The following THUMPD3 variants were observed in gnomAD, a reference collection of about 807,000 sequenced individuals.
THUMPD3 encodes the protein tRNA (guanine(6)-N(2))-methyltransferase THUMP3.
Under a neutral mutation model 54.5 loss-of-function variants are expected in THUMPD3, and 44 were observed. The observed-to-expected ratio is 0.81, with a 90% CI of 0.63 to 1.04. The LOEUF (loss-of-function observed/expected upper bound fraction) is 1.04. Ranked by LOEUF, THUMPD3 falls within the 50% of genes least tolerant of loss-of-function variation. The pLI, the probability that THUMPD3 is intolerant of heterozygous loss-of-function variation, is 0.00. For synonymous variants in THUMPD3, 196 were observed against 201.4 expected (o/e 0.97, Z 0.23); for missense variants, 604 against 601.3 (o/e 1.00, Z -0.05).
chr3:9,380,822 A>G, intron 7 of THUMPD3: 1 of 397,122 alleles, frequency 2.5e-6, no homozygotes, highest in Middle Eastern at 6.8e-4. Flanking sequence ...TCCCCACCAT[A>G]TGCAATTTTT....
chr3:9,376,512 G>A (rs925278855), intron 5 of THUMPD3, among the ~76,000 whole-genome samples: 1 of 152,184 alleles, frequency 6.6e-6, no homozygotes, highest in Admixed American at 6.5e-5. Context: ...GGAATGGCTT[G>A]GAGTACAGGG....
chr3:9,383,334 T>C (rs765641053), intron 8 of THUMPD3, 25 bp downstream of exon 8: 1 of 1,497,544 alleles, frequency 6.7e-7, no homozygotes, highest in Non-Finnish European at 9.3e-7. Context: ...TACCTGCTTG[T>C]CTTCTAAATA....
intron 3 of THUMPD3, 54 bp downstream of exon 3, chr3:9,367,039 T>C (rs1252658472): frequency 7.3e-7 from 1 of 1,372,520 alleles, no homozygotes; most frequent in Non-Finnish European, 1.0e-6. Context: ...ACAAAGAGAT[T>C]ATTTCCATTT....
At chr3:9,380,935 T>G (rs2125330393) in intron 7 of THUMPD3, 1 of 199,154 alleles carries the variant, frequency 5.0e-6, no homozygotes, top group South Asian at 8.2e-5. Context: ...TTACATAGGC[T>G]TCTTTTTTGC....
At chr3:9,375,865 GA>G (rs2032421682) in intron 5 of THUMPD3, among the ~76,000 whole-genome samples, 1 of 152,288 alleles carries the variant, frequency 6.6e-6, no homozygotes, top group East Asian at 1.9e-4. Flanking sequence ...TCTAAACATA[GA>G]AAGGATAGGG....
chr3:9,365,513 C>A, intron 2 of THUMPD3, among the ~76,000 whole-genome samples, 193 bp downstream of exon 2: 1 of 147,006 alleles, frequency 6.8e-6, no homozygotes, highest in African/African-American at 2.5e-5. Context: ...CCCTTAGGAC[C>A]AAAAGTGTTT....
chr3:9,378,264 C>T (rs890311796), intron 6 of THUMPD3, among the ~76,000 whole-genome samples: 2 of 152,138 alleles, frequency 1.3e-5, no homozygotes, highest in African/African-American at 4.8e-5. Flanking sequence ...CACTTAAGTT[C>T]CTAGAGGGAA....
chr3:9,368,531 T>A (rs2031759010), intron 3 of THUMPD3, among the ~76,000 whole-genome samples: 1 of 151,932 alleles, frequency 6.6e-6, no homozygotes, highest in African/African-American at 2.4e-5. Flanking sequence ...CCCGGCTAAT[T>A]TTTGTATTTT....
chr3:9,373,410 G>A (rs914645062), intron 4 of THUMPD3, among the ~76,000 whole-genome samples: 14 of 152,072 alleles, frequency 9.2e-5, no homozygotes, highest in African/African-American at 3.1e-4. Context: ...GTAAGAGATT[G>A]CTTGAGCCCA....
At chr3:9,377,361 A>C (rs1358125124) in intron 5 of THUMPD3, among the ~76,000 whole-genome samples, 2 of 152,148 alleles carry the variant, frequency 1.3e-5, no homozygotes, top group African/African-American at 4.8e-5. Context: ...ACATATCATT[A>C]TAAATTGATT....
rs112160333 is a variant in THUMPD3, at chr3:9,364,316, A to ATAT, written c.-53-680_-53-678dup. Among the ~76,000 whole-genome samples the ATAT allele has an allele frequency of 5.0e-4, 75 of 150,804 alleles. 1 individual carries two copies. Among genetic ancestry groups the ATAT allele is most frequent in the South Asian group, 1.3e-3 (6 of 4,778 alleles). On this transcript the variant is annotated intron_variant, in intron 1 of 9. Coordinates refer to ENST00000452837, the MANE Select transcript of THUMPD3 (RefSeq NM_001114092.2). Reference sequence around the variant, plus strand: ...ATCTATCTGAAACTCCAAAAGCCCCATATTATTATTATTATTATTATTTAT... The same window carrying ATAT: ...ATCTATCTGAAACTCCAAAAGCCCCATATTATTATTATTATTATTATTATTTAT...
chr3:9,382,919 A>G, intron 7 of THUMPD3: 1 of 258,264 alleles, frequency 3.9e-6, no homozygotes, highest in Non-Finnish European at 7.6e-6. Flanking sequence ...TTTTAGAGAC[A>G]AGGTCTCACA....
intron 7 of THUMPD3, among the ~76,000 whole-genome samples, chr3:9,381,113 C>T (rs1156591299): frequency 3.9e-5 from 6 of 151,994 alleles, no homozygotes; most frequent in Admixed American, 2.6e-4. Flanking sequence ...TTAAAATCTT[C>T]GTAGAGATGG....
At chr3:9,372,631 G>C (rs1388774851) in intron 4 of THUMPD3, among the ~76,000 whole-genome samples, 1 of 151,532 alleles carries the variant, frequency 6.6e-6, no homozygotes, top group Non-Finnish European at 1.5e-5. Context: ...TCTCAAACCA[G>C]GACATCATTG....
At position 9,383,303 on chromosome 3, in the gene THUMPD3, GA is replaced by G. The variant is rs763694233; in HGVS notation, c.1234del (p.Arg412GlyfsTer19). The G allele has an allele frequency of 1.9e-6, 3 of 1,608,864 alleles. No homozygotes were observed. Among genetic ancestry groups the G allele is most frequent in the Non-Finnish European group, 2.6e-6 (3 of 1,175,482 alleles). ...VDIIVTDLPF[G>X]KRMGSKKRNW... ...ATTATTGTAACAGATTTGCCATTTG[GA>G]AAAAGGTGAGAAATACTAGTACCTG... On this transcript the variant is annotated frameshift_variant, in exon 8 of 10. Coordinates refer to ENST00000452837, the MANE Select transcript of THUMPD3 (RefSeq NM_001114092.2). LOFTEE classifies it high-confidence loss of function.
chr3:9,365,212 T>C lies in THUMPD3; in HGVS notation c.144T>C (p.Phe48=). Residue 48 remains phenylalanine (F), a synonymous_variant, in exon 2 of 10, where the codon TTT becomes TTC. Coordinates refer to ENST00000452837, the MANE Select transcript of THUMPD3 (RefSeq NM_001114092.2). ...VTIGATVPTG[F]EQTAADEVRE... Reference sequence around the variant, plus strand: ...TTGGAGCCACTGTACCTACTGGCTTTGAGCAAACAGCTGCAGATGAAGTCA... The same window carrying C: ...TTGGAGCCACTGTACCTACTGGCTTCGAGCAAACAGCTGCAGATGAAGTCA... 1 of 1,614,212 alleles carries C rather than the reference T, an allele frequency of 6.2e-7. No homozygotes were observed.
chr3:9,382,005 A>T (rs374389463), intron 7 of THUMPD3, among the ~76,000 whole-genome samples: 22 of 151,186 alleles, frequency 1.5e-4, no homozygotes, highest in Non-Finnish European at 1.2e-4. Context: ...GGATGGTCTC[A>T]ATCTCCTGAC....
rs1400628382 is a variant in THUMPD3 at position 9,370,934 on chromosome 3, G to C, written c.331-126G>C. 3 of 763,432 alleles carry C rather than the reference G, an allele frequency of 3.9e-6. No homozygotes were observed. In the Admixed American group the frequency reaches 7.9e-5, roughly 20 times the overall value. 47.3% of individuals were successfully genotyped at this position (763,432 alleles called of 1,614,324 possible). ...GGACTTTTGAGCATCTTTGGGTTTT[G>C]GTGTCTTTGGCGGTCCTGGAACCAG... On this transcript the variant is annotated intron_variant, in intron 3 of 9. Coordinates refer to ENST00000452837, the MANE Select transcript of THUMPD3 (RefSeq NM_001114092.2).
chr3:9,367,545 C>T (rs2031658922), intron 3 of THUMPD3, among the ~76,000 whole-genome samples: 1 of 152,300 alleles, frequency 6.6e-6, no homozygotes, highest in African/African-American at 2.4e-5. Flanking sequence ...TAGGTTTTTT[C>T]CACACTGCTT....
Sources: gnomAD v4.1 joint callset for allele counts (sites outside exome capture counted in the v4.1 genomes callset) on GRCh38, gnomAD v4.1.1 for gene constraint, MANE v1.5 for transcripts, NCBI Gene and HGNC (gene_info 2026-07-23, HGNC 2026-07-21) for gene names.